TRIM32: variants seen among roughly 807,000 people sequenced by gnomAD.
TRIM32 encodes the protein E3 ubiquitin-protein ligase TRIM32.
In TRIM32, 19 loss-of-function variants were observed where a neutral mutation model predicts 36.0. The ratio of observed to expected loss-of-function variants is 0.53; its 90% CI spans 0.37 to 0.77. The LOEUF (loss-of-function observed/expected upper bound fraction) is 0.77, where lower values mean the gene tolerates loss of function less well. Ranked by LOEUF, TRIM32 falls within the 30% of genes least tolerant of loss-of-function variation. The pLI is 0.00. For missense variants in TRIM32, 747 were observed against 845.2 expected, an observed-to-expected ratio of 0.88 and a Z score of 1.44; for synonymous variants, 309 against 318.5, an observed-to-expected ratio of 0.97 and a Z score of 0.32.
rs1225018464 is a variant in TRIM32, at chr9:116,698,254, A to G, written c.512A>G (p.Glu171Gly). 6.2e-7 allele frequency: 1 copy of G among 1,614,000 alleles called. No individual in the cohort carries two copies. The highest frequency in any genetic ancestry group is 8.5e-7 in the Non-Finnish European group (1 of 1,180,024). Residue 171 changes from glutamate (E) to glycine (G), a missense_variant, in exon 2 of 2, where the codon GAA becomes GGA. Physicochemically the swap from Glu to Gly is moderately conservative, Grantham distance 98. Transcript: ENST00000450136. This position sits in a 1 kb window ranked among gnomAD's most constrained non-coding sequence, Gnocchi z 4.4. ...CTGCAGCGGCGGAAGGCAGCCTTGG[A>G]AGGTGTCTCCAAGGACCTTCAGGCA... is the stretch of plus-strand genomic sequence containing the variant. ...GELQRRKAAL[E>G]GVSKDLQARY...
At chr9:116,695,286 G>A (rs1191336185) in intron 1 of TRIM32, among the ~76,000 whole-genome samples, 1 of 152,130 alleles carries the variant, frequency 6.6e-6, no homozygotes, top group Admixed American at 6.5e-5. Context: ...TCATCATGAA[G>A]ATTAAAAGAG....
chr9:116,698,512 C>G lies in TRIM32; in HGVS notation c.770C>G (p.Thr257Arg), dbSNP rs3747834. Residue 257 changes from threonine (T) to arginine (R), a missense_variant, in exon 2 of 2, where the codon ACA (threonine) becomes AGA (arginine). Coordinates refer to ENST00000450136, the MANE Select transcript of TRIM32 (RefSeq NM_012210.4). This position sits in a 1 kb window ranked among gnomAD's most constrained non-coding sequence, Gnocchi z 4.4. ...GCAGATGTAGCACTACTGGAGGAGA[C>G]AGCTGATGAGGAGGAGCCAGAGCTC... The part of the protein sequence containing the change: ...KQADVALLEE[T>R]ADEEEPELTA... The G allele has an allele frequency of 3.7e-4, 591 of 1,613,806 alleles. 4 individuals carry two copies. The East Asian group carries it at 0.012, about 33-fold the overall frequency.
At position 116,697,698 on chromosome 9, in the gene TRIM32, G is replaced by C; in HGVS notation, c.-45G>C. On this transcript the variant is annotated 5_prime_UTR_variant, in exon 2 of 2. Transcript: ENST00000450136. ...CCCTCTAGGGCATGAATACTGTGCTGTTCAGTTCTGAGCTGTGCTAGCAAT... is the reference window on the plus strand; with the variant it reads ...CCCTCTAGGGCATGAATACTGTGCTCTTCAGTTCTGAGCTGTGCTAGCAAT... 1 of 1,611,618 alleles carries C rather than the reference G, an allele frequency of 6.2e-7. No homozygotes were observed. The highest frequency in any genetic ancestry group is 8.5e-7 in the Non-Finnish European group (1 of 1,179,728).
Position 116,688,642 on chromosome 9 carries a change from C to G in TRIM32, c.-82+1261C>G, listed in dbSNP as rs940045855. Among the ~76,000 whole-genome samples the G allele has an allele frequency of 1.6e-4, 25 of 152,158 alleles. No individual in the cohort carries two copies. The East Asian group carries it at 4.4e-3, about 27-fold the overall frequency. Reference sequence around the variant, plus strand: ...AACTCCATTCTGACCACCGGTCCCCCGGCCCACTGAAAGTGGTAGGCTTTG... The same window carrying G: ...AACTCCATTCTGACCACCGGTCCCCGGGCCCACTGAAAGTGGTAGGCTTTG... On this transcript the variant is annotated intron_variant, in intron 1 of 1. Transcript: ENST00000450136.
intron 1 of TRIM32, 68 bp from the exon 2 acceptor site, chr9:116,697,594 A>T: frequency 4.9e-6 from 5 of 1,014,864 alleles, no homozygotes; most frequent in Non-Finnish European, 7.3e-6. Context: ...CTATTCTCTA[A>T]ATGTTTCTTG....
rs764730016 is a variant in TRIM32 at position 116,698,471 on chromosome 9, G to A, written c.729G>A (p.Leu243=). The A allele has an allele frequency of 7.4e-6, 12 of 1,613,966 alleles. No homozygotes were observed. In the South Asian group the frequency reaches 1.3e-4, roughly 18 times the overall value. Residue 243 remains leucine (L), a synonymous_variant, in exon 2 of 2, where the codon CTG becomes CTA. Coordinates refer to ENST00000450136, the MANE Select transcript of TRIM32 (RefSeq NM_012210.4). The surrounding 1 kb of genome is among the most constrained non-coding windows in gnomAD (Gnocchi z 4.4). The stretch of plus-strand genomic sequence containing the variant: ...CTGTGTCTCGCTGTGACTACTTCCT[G>A]GCCAAGATCAAGCAGGCAGATGTAG... ...VQAVSRCDYF[L]AKIKQADVAL... is the part of the protein sequence containing the mutation.
At chr9:116,687,927 G>A (rs765617425) in intron 1 of TRIM32, among the ~76,000 whole-genome samples, 2 of 151,944 alleles carry the variant, frequency 1.3e-5, no homozygotes, top group Non-Finnish European at 2.9e-5. Context: ...GGGGTGGGGT[G>A]AGTTCTTGAG....
At chr9:116,694,459 CTTTTTT>C (rs56666915) in intron 1 of TRIM32, among the ~76,000 whole-genome samples, 3 of 88,038 alleles carry the variant, frequency 3.4e-5, no homozygotes, top group Admixed American at 3.2e-4. Context: ...TGTAATTTCT[CTTTTTT>C]TTTTTTTTTT....
chr9:116,694,529 C>T (rs1208632007), intron 1 of TRIM32, among the ~76,000 whole-genome samples: 12 of 141,416 alleles, frequency 8.5e-5, no homozygotes, highest in African/African-American at 2.9e-4. Context: ...TGGCGCGTCT[C>T]GGCTCACTGC....
rs535366004 is a variant in TRIM32, at chr9:116,689,495, C to A, written c.-82+2114C>A. ...AGGCTCTACTGTATTCAGTTTTACA[C>A]ATGAGGAAACTAAGGCTTAGGAAGT... On this transcript the variant is annotated intron_variant, in intron 1 of 1. Coordinates refer to ENST00000450136, the MANE Select transcript of TRIM32 (RefSeq NM_012210.4). 3.3e-5 allele frequency among the ~76,000 whole-genome samples: 5 copies of A among 152,282 alleles called. No individual in the cohort carries two copies. The Middle Eastern group carries it at 0.017, about 518-fold the overall frequency.
At chr9:116,695,719 AT>A (rs1265717972) in intron 1 of TRIM32, among the ~76,000 whole-genome samples, 1 of 152,130 alleles carries the variant, frequency 6.6e-6, no homozygotes, top group Non-Finnish European at 1.5e-5. Context: ...TGCTAGACCT[AT>A]TCATTCTGAT....
Position 116,699,499 on chromosome 9 carries a change from G to T in TRIM32, c.1757G>T (p.Arg586Leu), listed in dbSNP as rs866695848. The stretch of plus-strand genomic sequence containing the variant: ...ATTGCTGGCATGTGTGTGGATGCTC[G>T]TGGTGATCTCATCGTGGCTGACAGT... Reference protein sequence around the residue: ...RCIAGMCVDARGDLIVADSSR... With the variant: ...RCIAGMCVDALGDLIVADSSR... The change falls in exon 2 of 2, where the codon CGT becomes CTT. Residue 586 changes from arginine (R) to leucine (L), a missense_variant. Coordinates refer to ENST00000450136, the MANE Select transcript of TRIM32 (RefSeq NM_012210.4). The surrounding 1 kb of genome is among the most constrained non-coding windows in gnomAD (Gnocchi z 4.2). 3.7e-6 allele frequency: 6 copies of T among 1,614,098 alleles called. No homozygotes were observed. In the South Asian group the frequency reaches 4.4e-5, roughly 12 times the overall value.
Position 116,699,568 on chromosome 9 carries a change from G to C in TRIM32, c.1826G>C (p.Ser609Thr). 1 of 1,614,208 alleles carries C rather than the reference G, an allele frequency of 6.2e-7. No individual in the cohort carries two copies. The highest frequency in any genetic ancestry group is 1.7e-5 in the Admixed American group (1 of 60,032). ...ILHFPKGGGY[S>T]VLIREGLTCP... ...CATTTTCCTAAGGGTGGGGGCTATA[G>C]TGTCCTTATTCGAGAGGGACTTACC... The change falls in exon 2 of 2, where the codon AGT becomes ACT. Residue 609 changes from serine (S) to threonine (T), a missense_variant. Ser to Thr is a moderately conservative substitution (Grantham distance 58, BLOSUM62 1). Transcript: ENST00000450136. This position sits in a 1 kb window ranked among gnomAD's most constrained non-coding sequence, Gnocchi z 4.2.
At chr9:116,689,960 T>C (rs1860483269) in intron 1 of TRIM32, among the ~76,000 whole-genome samples, 1 of 152,206 alleles carries the variant, frequency 6.6e-6, no homozygotes, top group Admixed American at 6.5e-5. Context: ...TGGTCTCTTT[T>C]GGTCTGCTTT....
chr9:116,695,933 C>T (rs895741809), intron 1 of TRIM32, among the ~76,000 whole-genome samples: 3 of 152,162 alleles, frequency 2.0e-5, no homozygotes, highest in African/African-American at 7.2e-5. Context: ...CTTTGGCTAT[C>T]TCTGCTCTTC....
At chr9:116,689,304 T>C (rs1458022098) in intron 1 of TRIM32, among the ~76,000 whole-genome samples, 1 of 152,180 alleles carries the variant, frequency 6.6e-6, no homozygotes, top group Non-Finnish European at 1.5e-5. Context: ...TCTTCATCTG[T>C]AAAATGGGGT....
In TRIM32 at chr9:116,698,549, G is replaced by A. The variant is rs1184553729; in HGVS notation, c.807G>A (p.Leu269=). Residue 269 remains leucine, a synonymous_variant, in exon 2 of 2, where the codon TTG becomes TTA. Transcript: ENST00000450136. The surrounding 1 kb of genome is among the most constrained non-coding windows in gnomAD (Gnocchi z 4.4). Reference sequence around the variant, plus strand: ...AGGAGCCAGAGCTCACTGCCAGCTTGCCTCGGGAGCTCACCCTGCAAGATG... The same window carrying A: ...AGGAGCCAGAGCTCACTGCCAGCTTACCTCGGGAGCTCACCCTGCAAGATG... ...DEEEPELTAS[L]PRELTLQDVE... is the part of the protein sequence containing the mutation. 6.2e-6 allele frequency: 10 copies of A among 1,613,918 alleles called. No individual in the cohort carries two copies. The highest frequency in any genetic ancestry group is 5.0e-5 in the Admixed American group (3 of 60,012).
At chr9:116,694,627 ATTTTTTTT>A (rs11340280) in intron 1 of TRIM32, among the ~76,000 whole-genome samples, 3 of 128,050 alleles carry the variant, frequency 2.3e-5, no homozygotes, top group Admixed American at 7.9e-5. Flanking sequence ...CGCCCAGCTA[ATTTTTTTT>A]TTTTTTTTTG....
chr9:116,699,461 G>T lies in TRIM32; in HGVS notation c.1719G>T (p.Glu573Asp). 2 of 1,614,204 alleles carry T rather than the reference G, an allele frequency of 1.2e-6. No homozygotes were observed. Among genetic ancestry groups the T allele is most frequent in the Non-Finnish European group, 1.7e-6 (2 of 1,180,036 alleles). The change falls in exon 2 of 2, where the codon GAG (glutamate) becomes GAT (aspartate). Residue 573 changes from glutamate (E) to aspartate (D), a missense_variant. Glu to Asp is a conservative substitution (Grantham distance 45, BLOSUM62 2). Transcript: ENST00000450136. This position sits in a 1 kb window ranked among gnomAD's most constrained non-coding sequence, Gnocchi z 4.2. ...TTAGCCACTTCTTCTCGGAGAATGAGGATTTCCGCTGCATTGCTGGCATGT... is the reference window on the plus strand; with the variant it reads ...TTAGCCACTTCTTCTCGGAGAATGATGATTTCCGCTGCATTGCTGGCATGT... ...RQISHFFSEN[E>D]DFRCIAGMCV...
Sources: gnomAD v4.1 joint callset for allele counts (sites outside exome capture counted in the v4.1 genomes callset) on GRCh38, gnomAD v4.1.1 for gene constraint, Gnocchi (gnomAD v3.1) non-coding constraint, MANE v1.5 for transcripts, NCBI Gene and HGNC (gene_info 2026-07-23, HGNC 2026-07-21) for gene names.